Variants in KIR3DL2 observed in about 807,000 individuals in gnomAD.
The protein encoded by KIR3DL2 is killer cell immunoglobulin like receptor, three Ig domains and long cytoplasmic tail 2.
Under a neutral mutation model 41.6 loss-of-function variants are expected in KIR3DL2, and 42 were observed. The observed-to-expected ratio is 1.01, with a 90% CI of 0.79 to 1.31. The LOEUF is 1.31. Among genes scored for constraint, KIR3DL2 ranks in the 50% most tolerant of loss-of-function variants. The pLI is 0.00. For synonymous variants in KIR3DL2, 230 were observed against 221.3 expected (o/e 1.04, Z -0.35); for missense variants, 728 against 576.8 (o/e 1.26, Z -2.68).
Position 54,852,177 on chromosome 19 carries a change from C to A in KIR3DL2, c.250C>A (p.Pro84Thr). The A allele has an allele frequency of 5.6e-6, 9 of 1,612,848 alleles. No individual in the cohort carries two copies. The highest frequency in any genetic ancestry group is 7.6e-6 in the Non-Finnish European group (9 of 1,179,550). ...RIFQESFIMGPVTPAHAGTYR... is the reference protein window; with the variant it reads ...RIFQESFIMGTVTPAHAGTYR... ...ATTCCAGGAGAGCTTCATCATGGGC[C>A]CTGTGACCCCAGCACATGCAGGGAC... Residue 84 changes from proline (P) to threonine (T), a missense_variant, in exon 3 of 9, where the codon CCT (proline) becomes ACT (threonine). By Grantham distance (38) the Pro-to-Thr change is conservative. Transcript: ENST00000326321.
At chr19:54,860,647 T>A (rs1303368539) in intron 6 of KIR3DL2, among the ~76,000 whole-genome samples, 10 of 151,358 alleles carry the variant, frequency 6.6e-5, no homozygotes, top group Non-Finnish European at 1.0e-4. Flanking sequence ...CACGCTGGGA[T>A]AAGAGGCATG....
intron 4 of KIR3DL2, 41 bp downstream of exon 4, chr19:54,854,087 C>G: frequency 6.2e-7 from 1 of 1,604,802 alleles, no homozygotes; most frequent in Non-Finnish European, 8.5e-7. Context: ...CATTGGGACA[C>G]AGAGTGAATG....
rs1027784571 is a variant in KIR3DL2, at chr19:54,857,798, C to T, written c.950-1281C>T. On this transcript the variant is annotated intron_variant, in intron 5 of 8. Coordinates refer to ENST00000326321, the MANE Select transcript of KIR3DL2 (RefSeq NM_006737.4). ...CGACCTCAGGTGATCCGCCCACCTC[C>T]GCCTCCCAAAGTGCTGGAATTACAG... Among the ~76,000 whole-genome samples, 30 of 151,708 alleles carry T rather than the reference C, an allele frequency of 2.0e-4. 1 individual carries two copies. The South Asian group carries it at 3.3e-3, about 17-fold the overall frequency.
chr19:54,861,805 C>T (rs1365236201), intron 6 of KIR3DL2, among the ~76,000 whole-genome samples: 1 of 151,580 alleles, frequency 6.6e-6, no homozygotes, highest in East Asian at 1.9e-4. Context: ...CCATATTTGG[C>T]TTTCTGTGAA....
Position 54,855,625 on chromosome 19 carries a change from A to G in KIR3DL2, c.662A>G (p.Tyr221Cys). ...CTGCCTCTTCTCCTTCCAGGTCTAT[A>G]TGAGAAACCTTCTCTCTCAGCCCAG... is the stretch of plus-strand genomic sequence containing the variant. ...DPLDIVITGL[Y>C]EKPSLSAQPG... The change falls in exon 5 of 9, where the codon TAT (tyrosine) becomes TGT (cysteine). Residue 221 changes from tyrosine (Y) to cysteine (C), a missense_variant. Transcript: ENST00000326321. 6.2e-7 allele frequency: 1 copy of G among 1,612,506 alleles called. No homozygotes were observed. The highest frequency in any genetic ancestry group is 8.5e-7 in the Non-Finnish European group (1 of 1,179,704).
chr19:54,851,365 C>A lies in KIR3DL2; in HGVS notation c.70+110C>A. 5 of 1,210,036 alleles carry A rather than the reference C, an allele frequency of 4.1e-6. No homozygotes were observed. In the Admixed American group the frequency reaches 9.7e-5, roughly 23 times the overall value. 75.0% of individuals were successfully genotyped at this position (1,210,036 alleles called of 1,614,324 possible). A position where few individuals can be genotyped will look rare whatever the true frequency, so the allele number is the denominator to read the frequency against. ...CTCTCATAAACTAGGAAGAGGGGAC[C>A]CTTGGATACTCGGCCCACATTTCTG... is the stretch of plus-strand genomic sequence containing the variant. On this transcript the variant is annotated intron_variant, in intron 2 of 8. Transcript: ENST00000326321.
In KIR3DL2 at chr19:54,867,083, T is replaced by C. The variant is rs1237643277; in HGVS notation, c.*352T>C. On this transcript the variant is annotated 3_prime_UTR_variant, in exon 9 of 9. Coordinates refer to ENST00000326321, the MANE Select transcript of KIR3DL2 (RefSeq NM_006737.4). ...GCACTTACACACTTGCTGTTCCACC[T>C]TCCCTCATGCTGTTCCACCTCCCCT... The C allele has an allele frequency of 6.5e-6, 2 of 308,024 alleles. No homozygotes were observed. Among genetic ancestry groups the C allele is most frequent in the East Asian group, 7.4e-5 (1 of 13,568 alleles). The allele number at this position is 308,024 out of a possible 1,614,324, so 19.1% of individuals were successfully genotyped here. A position where few individuals can be genotyped will look rare whatever the true frequency, so the allele number is the denominator to read the frequency against.
At chr19:54,851,477 G>T (rs2064232241) in intron 2 of KIR3DL2, among the ~76,000 whole-genome samples, 1 of 151,310 alleles carries the variant, frequency 6.6e-6, no homozygotes, top group Non-Finnish European at 1.5e-5. Flanking sequence ...AAGCTGGGGT[G>T]TGCAGGGAGG....
chr19:54,866,931 T>C lies in KIR3DL2; in HGVS notation c.*200T>C. 1 of 652,664 alleles carries C rather than the reference T, an allele frequency of 1.5e-6. No individual in the cohort carries two copies. Among genetic ancestry groups the C allele is most frequent in the East Asian group, 2.9e-5 (1 of 35,008 alleles). 40.4% of individuals were successfully genotyped at this position (652,664 alleles called of 1,614,324 possible). A position where few individuals can be genotyped will look rare whatever the true frequency, so the allele number is the denominator to read the frequency against. On this transcript the variant is annotated 3_prime_UTR_variant, in exon 9 of 9. Coordinates refer to ENST00000326321, the MANE Select transcript of KIR3DL2 (RefSeq NM_006737.4). ...CACACTCCTTTGCTTAGCCCACAAG[T>C]ATCTATTTCACTTGACCCCTGCCCA...
At position 54,855,605 on chromosome 19, in the gene KIR3DL2, T is replaced by C. The variant is rs2064683110; in HGVS notation, c.656-14T>C. ...GAAGAACCTCCCTGAGGAAACTGCC[T>C]CTTCTCCTTCCAGGTCTATATGAGA... On this transcript the variant is annotated splice_polypyrimidine_tract_variant and intron_variant, in intron 4 of 8. Coordinates refer to ENST00000326321, the MANE Select transcript of KIR3DL2 (RefSeq NM_006737.4). 98 of 1,608,934 alleles carry C rather than the reference T, an allele frequency of 6.1e-5. 2 individuals are homozygous for C. Among genetic ancestry groups the C allele is most frequent in the Non-Finnish European group, 1.7e-6 (2 of 1,178,760 alleles).
intron 1 of KIR3DL2, 114 bp from the exon 2 acceptor site, chr19:54,851,106 A>G (rs1426982504): frequency 5.2e-6 from 7 of 1,355,990 alleles, no homozygotes; most frequent in Non-Finnish European, 7.4e-6. Flanking sequence ...AGGGAGGCTA[A>G]GTTTACCTTC....
intron 6 of KIR3DL2, among the ~76,000 whole-genome samples, chr19:54,863,023 A>T (rs1251649257): frequency 7.5e-5 from 6 of 79,936 alleles, no homozygotes; most frequent in Non-Finnish European, 9.0e-5. Flanking sequence ...ACCCCACAAC[A>T]GTCCCCAGAG....
chr19:54,855,778 T>C lies in KIR3DL2; in HGVS notation c.815T>C (p.Val272Ala). ...CGTAGGCTCCGTGCAGTGCCCAAGGTCAACAGAACATTCCAGGCAGACTTT... is the reference window on the plus strand; with the variant it reads ...CGTAGGCTCCGTGCAGTGCCCAAGGCCAACAGAACATTCCAGGCAGACTTT... ...HERRLRAVPK[V>A]NRTFQADFPL... The change falls in exon 5 of 9, where the codon GTC becomes GCC. Residue 272 changes from valine (V) to alanine (A), a missense_variant. By Grantham distance (64) the Val-to-Ala change is moderately conservative. Coordinates refer to ENST00000326321, the MANE Select transcript of KIR3DL2 (RefSeq NM_006737.4). 1 of 1,613,176 alleles carries C rather than the reference T, an allele frequency of 6.2e-7. No individual in the cohort carries two copies. Among genetic ancestry groups the C allele is most frequent in the East Asian group, 2.2e-5 (1 of 44,850 alleles).
rs757524207 is a variant in KIR3DL2 at position 54,854,047 on chromosome 19, G to A, written c.655+1G>A. The A allele has an allele frequency of 1.9e-6, 3 of 1,612,436 alleles. No homozygotes were observed. In the East Asian group the frequency reaches 6.7e-5, roughly 36 times the overall value. On this transcript the variant is annotated splice_donor_variant, in intron 4 of 8. Coordinates refer to ENST00000326321, the MANE Select transcript of KIR3DL2 (RefSeq NM_006737.4). LOFTEE classifies it high-confidence loss of function. ...GACCCCCTGGACATCGTGATCACAG[G>A]TGAGAGTGTCCAGACATTCTTCTCA...
intron 5 of KIR3DL2, among the ~76,000 whole-genome samples, chr19:54,857,664 G>T (rs1601781932): frequency 6.6e-6 from 1 of 151,738 alleles, no homozygotes; most frequent in South Asian, 2.1e-4. Flanking sequence ...TGATTCTCCT[G>T]CCTCAGCCTC....
intron 3 of KIR3DL2, 29 bp downstream of exon 3, chr19:54,852,311 C>T: frequency 6.3e-7 from 1 of 1,596,136 alleles, no homozygotes; most frequent in Non-Finnish European, 8.5e-7. Context: ...GGGCTTCTCA[C>T]TGTCCCACCT....
chr19:54,853,332 G>A (rs1181879718), intron 3 of KIR3DL2, among the ~76,000 whole-genome samples: 2 of 151,702 alleles, frequency 1.3e-5, no homozygotes, highest in Non-Finnish European at 2.9e-5. Context: ...GGAACAGGGT[G>A]TGTGGACACT....
In KIR3DL2 at chr19:54,866,634, A is replaced by T. The variant is rs756663205; in HGVS notation, c.1271A>T (p.Asp424Val). 6.2e-7 allele frequency: 1 copy of T among 1,613,886 alleles called. No homozygotes were observed. The highest frequency in any genetic ancestry group is 1.3e-5 in the African/African-American group (1 of 74,920). The change falls in exon 9 of 9, where the codon GAT becomes GTT. Residue 424 changes from aspartate (D) to valine (V), a missense_variant. Physicochemically the swap from Asp to Val is radical, Grantham distance 152 (BLOSUM62 -3). Transcript: ENST00000326321. Reference sequence around the variant, plus strand: ...CAGAGGCCCAAGACACCCCTAACAGATACCAGCGTGTACACGGAACTTCCA... The same window carrying T: ...CAGAGGCCCAAGACACCCCTAACAGTTACCAGCGTGTACACGGAACTTCCA... ...PSQRPKTPLTDTSVYTELPNA... is the reference protein window; with the variant it reads ...PSQRPKTPLTVTSVYTELPNA...
rs769655498 is a variant in KIR3DL2, at chr19:54,852,078, T to C, written c.151T>C (p.Tyr51His). The change falls in exon 3 of 9, where the codon TAT (tyrosine) becomes CAT (histidine). Residue 51 changes from tyrosine (Y) to histidine (H), a missense_variant. Tyr to His is a moderately conservative substitution (Grantham distance 83, BLOSUM62 2). Coordinates refer to ENST00000326321, the MANE Select transcript of KIR3DL2 (RefSeq NM_006737.4). ...RGGHVALQCHYRRGFNNFMLY... is the reference protein window; with the variant it reads ...RGGHVALQCHHRRGFNNFMLY... ...AGGACACGTGGCTCTTCAGTGTCAC[T>C]ATCGTCGTGGGTTTAACAATTTCAT... 3.7e-5 allele frequency: 60 copies of C among 1,612,588 alleles called. No homozygotes were observed. Among genetic ancestry groups the C allele is most frequent in the Non-Finnish European group, 4.9e-5 (58 of 1,179,434 alleles).
Sources: allele counts gnomAD v4.1 joint callset (sites outside exome capture counted in the v4.1 genomes callset), GRCh38; gene constraint gnomAD v4.1.1; transcripts MANE v1.5; gene names NCBI Gene and HGNC (gene_info 2026-07-23, HGNC 2026-07-21).